Variants in FHIT observed in about 807,000 individuals in gnomAD.
The protein encoded by FHIT is bis(5'-adenosyl)-triphosphatase.
A neutral mutation model predicts 17.9 loss-of-function variants in FHIT; 19 were observed. The ratio of observed to expected loss-of-function variants is 1.06; its 90% CI spans 0.74 to 1.56. The LOEUF is 1.56. FHIT is among the 40% of genes most tolerant of loss of function. The pLI is 0.00. For synonymous variants in FHIT, 81 were observed against 69.7 expected, an observed-to-expected ratio of 1.16 and a Z score of -0.81; for missense variants, 248 against 189.2, an observed-to-expected ratio of 1.31 and a Z score of -1.82.
chr3:59,837,331 T>A (rs1701373448), intron 8 of FHIT, among the ~76,000 whole-genome samples: 1 of 152,188 alleles, frequency 6.6e-6, no homozygotes, highest in Non-Finnish European at 1.5e-5. Context: ...CCTATGCACA[T>A]CTTCACATAT....
intron 3 of FHIT, among the ~76,000 whole-genome samples, chr3:60,922,881 A>T (rs2107321689): frequency 6.6e-6 from 1 of 152,374 alleles, no homozygotes; most frequent in Non-Finnish European, 1.5e-5. Context: ...TCTCACAGTC[A>T]ATACATGTAC....
rs534091102 is a variant in FHIT at position 60,138,687 on chromosome 3, T to C, written c.104-124535A>G. ...TGTTTTTCAGGCAGGGTTGAGCTTTTCGAAGTACAGAGAGAACTGGGGAAT... is the reference window on the plus strand; with the variant it reads ...TGTTTTTCAGGCAGGGTTGAGCTTTCCGAAGTACAGAGAGAACTGGGGAAT... On this transcript the variant is annotated intron_variant, in intron 5 of 9. Transcript: ENST00000492590. 2.0e-5 allele frequency among the ~76,000 whole-genome samples: 3 copies of C among 152,196 alleles called. No individual in the cohort carries two copies. In the South Asian group the frequency reaches 6.2e-4, roughly 32 times the overall value.
At chr3:60,566,431 AT>A (rs770639559) in intron 4 of FHIT, among the ~76,000 whole-genome samples, 1 of 152,220 alleles carries the variant, frequency 6.6e-6, no homozygotes, top group Non-Finnish European at 1.5e-5. Context: ...AAAACTCTCA[AT>A]AAATGAGGTA....
chr3:60,281,295 G>A (rs213366), intron 5 of FHIT, among the ~76,000 whole-genome samples: 103,294 of 151,972 alleles, frequency 0.68, 35,521 homozygotes, highest in East Asian at 0.93. Flanking sequence ...CGCAGTTTCA[G>A]TCAAAATCCC....
chr3:60,639,579 G>C (rs1361074250), intron 4 of FHIT, among the ~76,000 whole-genome samples: 3 of 152,014 alleles, frequency 2.0e-5, no homozygotes, highest in Non-Finnish European at 4.4e-5. Flanking sequence ...CACAGAATTT[G>C]AAAAATATCA....
At chr3:61,023,674 G>C (rs1386638172) in intron 3 of FHIT, among the ~76,000 whole-genome samples, 11 of 152,092 alleles carry the variant, frequency 7.2e-5, no homozygotes, top group Admixed American at 7.2e-4. Context: ...AAACAGAACA[G>C]AGGCCTGAGA....
At chr3:60,605,962 C>A (rs1397677209) in intron 4 of FHIT, among the ~76,000 whole-genome samples, 1 of 152,148 alleles carries the variant, frequency 6.6e-6, no homozygotes, top group East Asian at 1.9e-4. Flanking sequence ...CAGATGAAAA[C>A]CTTCAAAGAG....
intron 4 of FHIT, among the ~76,000 whole-genome samples, chr3:60,802,873 G>A (rs1324067184): frequency 6.6e-6 from 1 of 152,072 alleles, no homozygotes; most frequent in African/African-American, 2.4e-5. Context: ...ATGAGATAAA[G>A]CCTCCATCTT....
chr3:60,607,083 T>C (rs1576960877), intron 4 of FHIT, among the ~76,000 whole-genome samples: 1 of 152,130 alleles, frequency 6.6e-6, no homozygotes. Context: ...CTATTACTAG[T>C]GTCTGTCATC....
At chr3:60,250,873 T>C (rs1483164209) in intron 5 of FHIT, among the ~76,000 whole-genome samples, 1 of 152,154 alleles carries the variant, frequency 6.6e-6, no homozygotes, top group African/African-American at 2.4e-5. Flanking sequence ...AATAAGCTGC[T>C]TCAACAAGAT....
intron 3 of FHIT, among the ~76,000 whole-genome samples, chr3:60,960,256 A>G (rs1275024169): frequency 6.6e-6 from 1 of 152,142 alleles, no homozygotes; most frequent in African/African-American, 2.4e-5. Flanking sequence ...CGACTGAGAG[A>G]TGACTTTCTT....
intron 8 of FHIT, among the ~76,000 whole-genome samples, chr3:59,764,832 G>A (rs1023711043): frequency 7.7e-6 from 1 of 129,346 alleles, no homozygotes; most frequent in Non-Finnish European, 1.7e-5. Flanking sequence ...CCAGAAGTCA[G>A]CATAGGCAAC....
At chr3:60,183,330 A>G (rs147838048) in intron 5 of FHIT, among the ~76,000 whole-genome samples, 72 of 152,308 alleles carry the variant, frequency 4.7e-4, no homozygotes, top group African/African-American at 1.7e-3. Flanking sequence ...CCCAGGAGGC[A>G]GAGGTTGCAG....
At chr3:60,334,787 G>A (rs1710155597) in intron 5 of FHIT, among the ~76,000 whole-genome samples, 1 of 152,156 alleles carries the variant, frequency 6.6e-6, no homozygotes, top group African/African-American at 2.4e-5. Context: ...GACAGAGAGA[G>A]ACTCCATCTC....
chr3:60,064,873 T>A (rs212010), intron 5 of FHIT, among the ~76,000 whole-genome samples: 37,866 of 152,136 alleles, frequency 0.25, 5,203 homozygotes, highest in African/African-American at 0.34. Flanking sequence ...TCATTTAAAA[T>A]GCCATTGGTT....
At chr3:59,868,552 C>T (rs1185805047) in intron 8 of FHIT, among the ~76,000 whole-genome samples, 1 of 152,202 alleles carries the variant, frequency 6.6e-6, no homozygotes, top group Non-Finnish European at 1.5e-5. Flanking sequence ...TTGAGTACCA[C>T]GTGGTTTACA....
intron 4 of FHIT, chr3:60,730,451 T>C: frequency 8.8e-6 from 2 of 227,316 alleles, no homozygotes; most frequent in Admixed American, 8.5e-5. Context: ...CCTTTATAAA[T>C]CCTTTTATTC....
chr3:61,209,570 C>T (rs1017654061), intron 1 of FHIT, among the ~76,000 whole-genome samples: 3 of 150,248 alleles, frequency 2.0e-5, no homozygotes, highest in African/African-American at 4.9e-5. Flanking sequence ...ATTCGTCTTC[C>T]ATCATTGATA....
At chr3:60,148,670 G>C (rs1214165658) in intron 5 of FHIT, among the ~76,000 whole-genome samples, 2 of 152,132 alleles carry the variant, frequency 1.3e-5, no homozygotes, top group African/African-American at 4.8e-5. Context: ...ATATCTGCCA[G>C]TGTTCCCAAT....
Sources: allele counts gnomAD v4.1 joint callset (sites outside exome capture counted in the v4.1 genomes callset), GRCh38; gene constraint gnomAD v4.1.1; transcripts MANE v1.5; gene names NCBI Gene and HGNC (gene_info 2026-07-23, HGNC 2026-07-21).